The following C21orf91 variants were observed in gnomAD, a reference collection of about 807,000 sequenced individuals.
The protein encoded by C21orf91 is chromosome 21 open reading frame 91.
A neutral mutation model predicts 32.9 loss-of-function variants in C21orf91; 26 were observed. The ratio of observed to expected loss-of-function variants is 0.79; its 90% CI spans 0.58 to 1.10. The LOEUF (loss-of-function observed/expected upper bound fraction) is 1.10. Among genes scored for constraint, C21orf91 ranks in the 50% least tolerant of loss-of-function variants. The pLI is 0.00. For synonymous variants in C21orf91, 126 were observed against 120.4 expected (o/e 1.05, Z -0.31); for missense variants, 310 against 341.3 (o/e 0.91, Z 0.72).
chr21:17,816,004 T>C (rs1477945938), intron 2 of C21orf91, among the ~76,000 whole-genome samples: 1 of 152,220 alleles, frequency 6.6e-6, no homozygotes, highest in Non-Finnish European at 1.5e-5. Context: ...AGCTGATCAC[T>C]GTAGTGAAAA....
intron 2 of C21orf91, among the ~76,000 whole-genome samples, chr21:17,815,531 T>C (rs1322268958): frequency 6.6e-6 from 1 of 152,196 alleles, no homozygotes; most frequent in Non-Finnish European, 1.5e-5. Flanking sequence ...CAAATATACC[T>C]TGTTATTTTT....
intron 2 of C21orf91, among the ~76,000 whole-genome samples, chr21:17,806,808 C>T (rs1203587018): frequency 6.6e-6 from 1 of 152,072 alleles, no homozygotes; most frequent in Non-Finnish European, 1.5e-5. Context: ...TCACTGCACT[C>T]CAGCCTGGGC....
At chr21:17,807,195 G>A (rs760754681) in intron 2 of C21orf91, among the ~76,000 whole-genome samples, 20 of 152,132 alleles carry the variant, frequency 1.3e-4, no homozygotes, top group Non-Finnish European at 2.1e-4. Context: ...GGAGGAGGGC[G>A]CTGGTAGGAG....
At position 17,796,670 on chromosome 21, in the gene C21orf91, A is replaced by C. The variant is rs1266493361; in HGVS notation, c.576T>G (p.Ser192Arg). 6.2e-7 allele frequency: 1 copy of C among 1,613,756 alleles called. No individual in the cohort carries two copies. Among genetic ancestry groups the C allele is most frequent in the Non-Finnish European group, 8.5e-7 (1 of 1,179,666 alleles). Reference sequence around the variant, plus strand: ...CTTCTTTTTTCTGTGCCTGGTTGTGACTATGAGGCCACAATACACTGTTAC... The same window carrying C: ...CTTCTTTTTTCTGTGCCTGGTTGTGCCTATGAGGCCACAATACACTGTTAC... The part of the protein sequence containing the change: ...LCRNSVLWPH[S>R]HNQAQKKEET... Residue 192 changes from serine (S) to arginine (R), a missense_variant, in exon 3 of 5, where the codon AGT becomes AGG. Physicochemically the swap from Ser to Arg is moderately radical, Grantham distance 110. Transcript: ENST00000284881.
Position 17,793,395 on chromosome 21 carries a change from A to G in C21orf91, c.*20T>C. ...GGGAGACCAATAAAGGGCAGGGCAT[A>G]CGAAGTAAGTCTGTTTAGGTCAGTT... On this transcript the variant is annotated 3_prime_UTR_variant, in exon 5 of 5. Transcript: ENST00000284881. 6.5e-7 allele frequency: 1 copy of G among 1,540,728 alleles called. No individual in the cohort carries two copies. Among genetic ancestry groups the G allele is most frequent in the Non-Finnish European group, 8.8e-7 (1 of 1,134,928 alleles).
At chr21:17,806,518 A>T (rs1263238155) in intron 2 of C21orf91, among the ~76,000 whole-genome samples, 1 of 152,154 alleles carries the variant, frequency 6.6e-6, no homozygotes. Context: ...AGTAAAAAAA[A>T]AATGGAGGAG....
rs200019621 is a variant in C21orf91 at position 17,796,577 on chromosome 21, C to T, written c.664+5G>A. The T allele has an allele frequency of 3.4e-4, 538 of 1,592,744 alleles. 1 individual carries two copies. The highest frequency in any genetic ancestry group is 4.5e-4 in the Non-Finnish European group (528 of 1,168,316). ...AACTTTTACTTTTCTCCCCATTTTACTTACATTCCTCTCTGCTGTAATGTG... is the reference window on the plus strand; with the variant it reads ...AACTTTTACTTTTCTCCCCATTTTATTTACATTCCTCTCTGCTGTAATGTG... On this transcript the variant is annotated splice_donor_5th_base_variant and intron_variant, in intron 3 of 4. Transcript: ENST00000284881.
At chr21:17,793,811 C>CT (rs763010671) in intron 4 of C21orf91, among the ~76,000 whole-genome samples, 1 of 152,156 alleles carries the variant, frequency 6.6e-6, no homozygotes, top group Non-Finnish European at 1.5e-5. Context: ...CATCAAGTGA[C>CT]TACAGAGATA....
Position 17,794,813 on chromosome 21 carries a change from T to C in C21orf91, c.727+395A>G, listed in dbSNP as rs528438206. ...TGGGCGCAGTGGCTCACACCTGTAA[T>C]GCCAGCTCTTTGGGAGGCTGAGGCA... On this transcript the variant is annotated intron_variant, in intron 4 of 4. Transcript: ENST00000284881. Among the ~76,000 whole-genome samples the C allele has an allele frequency of 2.6e-5, 4 of 152,204 alleles. No individual in the cohort carries two copies. The East Asian group carries it at 7.7e-4, about 29-fold the overall frequency.
chr21:17,810,322 GA>G, intron 2 of C21orf91, among the ~76,000 whole-genome samples: 1 of 152,108 alleles, frequency 6.6e-6, no homozygotes, highest in South Asian at 2.1e-4. Flanking sequence ...AATAAACATG[GA>G]AAAATTTTTC....
intron 1 of C21orf91, among the ~76,000 whole-genome samples, chr21:17,818,543 C>G (rs140149170): frequency 3.3e-5 from 5 of 152,350 alleles, no homozygotes; most frequent in African/African-American, 1.2e-4. Flanking sequence ...ATAGGTGACA[C>G]TATGTCCGTG....
chr21:17,800,829 T>G (rs1377156211), intron 2 of C21orf91, among the ~76,000 whole-genome samples: 3 of 152,236 alleles, frequency 2.0e-5, no homozygotes, highest in Non-Finnish European at 4.4e-5. Flanking sequence ...AAAGTCATTA[T>G]TAGAGAACCA....
intron 2 of C21orf91, among the ~76,000 whole-genome samples, chr21:17,807,600 G>A (rs947052549): frequency 6.6e-6 from 1 of 152,222 alleles, no homozygotes; most frequent in Non-Finnish European, 1.5e-5. Flanking sequence ...GAACTTCCTA[G>A]ACACTTGTTA....
At position 17,792,595 on chromosome 21, in the gene C21orf91, T is replaced by TC. The variant is rs778452971; in HGVS notation, c.*819_*820insG. 7.9e-5 allele frequency: 12 copies of TC among 152,326 alleles called. No homozygotes were observed. In the South Asian group the frequency reaches 8.3e-4, roughly 11 times the overall value. The allele number at this position is 152,326 out of a possible 1,614,324, so 9.4% of individuals were successfully genotyped here. On this transcript the variant is annotated 3_prime_UTR_variant, in exon 5 of 5. Coordinates refer to ENST00000284881, the MANE Select transcript of C21orf91 (RefSeq NM_001100420.2). ...CCAAATTCTAATGCATCACAGTCACTGGTGTGAAGCTAATAATGAAAGAAG... is the reference window on the plus strand; with the variant it reads ...CCAAATTCTAATGCATCACAGTCACTCGGTGTGAAGCTAATAATGAAAGAAG...
chr21:17,800,398 T>C (rs2062550992), intron 2 of C21orf91, among the ~76,000 whole-genome samples: 1 of 152,238 alleles, frequency 6.6e-6, no homozygotes, highest in Admixed American at 6.5e-5. Context: ...GAAAATAATG[T>C]GAGTAGCTCA....
Position 17,793,077 on chromosome 21 carries a change from C to G in C21orf91, c.*338G>C, listed in dbSNP as rs1220182225. 6.3e-6 allele frequency: 1 copy of G among 159,958 alleles called. No homozygotes were observed. The highest frequency in any genetic ancestry group is 1.8e-4 in the East Asian group (1 of 5,664). 9.9% of individuals were successfully genotyped at this position (159,958 alleles called of 1,614,324 possible). ...TCCATTTCCCTCTTAAAAATTATCT[C>G]TAGTAGTTTACACTAAGGAGTTAAT... On this transcript the variant is annotated 3_prime_UTR_variant, in exon 5 of 5. Coordinates refer to ENST00000284881, the MANE Select transcript of C21orf91 (RefSeq NM_001100420.2).
chr21:17,796,495 G>A, intron 3 of C21orf91, 87 bp downstream of exon 3: 1 of 972,344 alleles, frequency 1.0e-6, no homozygotes, highest in Non-Finnish European at 1.5e-6. Flanking sequence ...TGATTCCACA[G>A]CAAAATTCTT....
At chr21:17,796,467 CAATGTTTCCCA>C (rs2062518588) in intron 3 of C21orf91, 104 bp downstream of exon 3, 1 of 793,192 alleles carries the variant, frequency 1.3e-6, no homozygotes, top group African/African-American at 1.7e-5. Context: ...CTGTTAAATA[CAATGTTTCCCA>C]AATCTATGAT....
intron 2 of C21orf91, among the ~76,000 whole-genome samples, chr21:17,799,174 C>T (rs574233752): frequency 1.3e-4 from 19 of 151,868 alleles, no homozygotes; most frequent in South Asian, 2.1e-4. Context: ...ACAGAAACTC[C>T]GATAAAAAAG....
Sources: allele counts gnomAD v4.1 joint callset (sites outside exome capture counted in the v4.1 genomes callset), GRCh38; gene constraint gnomAD v4.1.1; transcripts MANE v1.5; gene names NCBI Gene and HGNC (gene_info 2026-07-23, HGNC 2026-07-21).